Variants in ASIC2 observed in about 807,000 individuals in gnomAD.
ASIC2 encodes the protein acid sensing ion channel subunit 2, also known as acid-sensing ion channel 2.
Under a neutral mutation model 57.3 loss-of-function variants are expected in ASIC2, and 25 were observed. The ratio of observed to expected loss-of-function variants is 0.44; its 90% CI spans 0.32 to 0.61. The LOEUF is 0.61. ASIC2 is among the 20% of genes least tolerant of loss of function. The pLI is 0.06. For synonymous variants in ASIC2, 319 were observed against 307.5 expected, an observed-to-expected ratio of 1.04 and a Z score of -0.39; for missense variants, 641 against 738.1, an observed-to-expected ratio of 0.87 and a Z score of 1.52.
intron 1 of ASIC2, among the ~76,000 whole-genome samples, chr17:33,751,718 C>CATT (rs1201520194): frequency 2.6e-5 from 4 of 151,972 alleles, no homozygotes; most frequent in Admixed American, 2.6e-4. Context: ...TCATTTAATT[C>CATT]TAGTTTCCCC....
At chr17:33,735,245 T>C (rs995212095) in intron 1 of ASIC2, among the ~76,000 whole-genome samples, 5 of 152,108 alleles carry the variant, frequency 3.3e-5, no homozygotes, top group African/African-American at 1.2e-4. Flanking sequence ...CAAGAGCCCC[T>C]CCATGGAGAA....
intron 1 of ASIC2, among the ~76,000 whole-genome samples, chr17:33,999,759 C>T (rs186000457): frequency 6.6e-6 from 1 of 152,084 alleles, no homozygotes; most frequent in African/African-American, 2.4e-5. Context: ...ATATCTTTTC[C>T]TTTAACTTTT....
At chr17:33,418,774 A>G (rs1028290031) in intron 1 of ASIC2, among the ~76,000 whole-genome samples, 1 of 152,172 alleles carries the variant, frequency 6.6e-6, no homozygotes, top group Non-Finnish European at 1.5e-5. Flanking sequence ...CTGTAGCCAT[A>G]AAAAAGGATG....
intron 1 of ASIC2, among the ~76,000 whole-genome samples, chr17:33,597,189 A>G (rs1201154180): frequency 2.6e-5 from 4 of 152,250 alleles, no homozygotes; most frequent in South Asian, 4.1e-4. Context: ...AAACCACTGC[A>G]GACATGTTTC....
intron 1 of ASIC2, among the ~76,000 whole-genome samples, chr17:33,781,374 G>C (rs546080857): frequency 6.6e-6 from 1 of 152,092 alleles, no homozygotes; most frequent in Admixed American, 6.6e-5. Context: ...TTGCTTTCTG[G>C]AACACTAAGA....
At chr17:33,841,331 G>A (rs1000362783) in intron 1 of ASIC2, among the ~76,000 whole-genome samples, 1 of 152,222 alleles carries the variant, frequency 6.6e-6, no homozygotes, top group African/African-American at 2.4e-5. Flanking sequence ...GACTGAAAAG[G>A]CTAGTGGGAG....
At chr17:33,720,487 A>C (rs1452650560) in intron 1 of ASIC2, among the ~76,000 whole-genome samples, 1 of 152,224 alleles carries the variant, frequency 6.6e-6, no homozygotes, top group African/African-American at 2.4e-5. Flanking sequence ...TAAGTGACTT[A>C]AGGCATGTAC....
chr17:33,412,058 AC>A (rs1195476363), intron 1 of ASIC2, among the ~76,000 whole-genome samples: 1 of 150,210 alleles, frequency 6.7e-6, no homozygotes, highest in Non-Finnish European at 1.5e-5. Flanking sequence ...AACCAAAAAC[AC>A]ACAAAAAACA....
At chr17:33,679,692 T>C (rs1288662215) in intron 1 of ASIC2, among the ~76,000 whole-genome samples, 1 of 152,146 alleles carries the variant, frequency 6.6e-6, no homozygotes, top group Non-Finnish European at 1.5e-5. Context: ...GAGAAGGTCC[T>C]TTAAGATGAG....
At chr17:33,752,123 G>A (rs1282046602) in intron 1 of ASIC2, among the ~76,000 whole-genome samples, 1 of 152,166 alleles carries the variant, frequency 6.6e-6, no homozygotes, top group Non-Finnish European at 1.5e-5. Flanking sequence ...GGTAGAGACT[G>A]ACCCAGGAAC....
intron 3 of ASIC2, among the ~76,000 whole-genome samples, chr17:33,079,841 G>A (rs930387183): frequency 2.0e-5 from 3 of 152,244 alleles, no homozygotes; most frequent in Admixed American, 2.0e-4. Flanking sequence ...TCCCCATTTT[G>A]CAGATGAAGA....
chr17:33,275,989 A>C (rs553621016), intron 1 of ASIC2, among the ~76,000 whole-genome samples: 1 of 152,294 alleles, frequency 6.6e-6, no homozygotes, highest in East Asian at 1.9e-4. Context: ...TAGGCAGGGA[A>C]GGTTTTCAGG....
chr17:33,834,968 T>C (rs1913229018), intron 1 of ASIC2, among the ~76,000 whole-genome samples: 2 of 152,156 alleles, frequency 1.3e-5, no homozygotes, highest in African/African-American at 4.8e-5. Context: ...TAAATAACTG[T>C]GTTTGGCGTG....
chr17:33,903,966 C>T (rs1354720410), intron 1 of ASIC2, among the ~76,000 whole-genome samples: 1 of 151,808 alleles, frequency 6.6e-6, no homozygotes, highest in Non-Finnish European at 1.5e-5. Flanking sequence ...GAGTTTGAGA[C>T]CAGCCTGACC....
chr17:34,099,168 GAA>G (rs1183556923), intron 1 of ASIC2, among the ~76,000 whole-genome samples: 100 of 6,770 alleles, frequency 0.015, no homozygotes, highest in East Asian at 0.12. Context: ...GAGAGAGAAA[GAA>G]AGAAAGAAAG....
At chr17:33,702,736 G>A (rs756086452) in intron 1 of ASIC2, among the ~76,000 whole-genome samples, 11 of 152,092 alleles carry the variant, frequency 7.2e-5, no homozygotes, top group Non-Finnish European at 1.2e-4. Context: ...CACAATAATC[G>A]CATTTGTTCA....
At chr17:33,629,879 C>T (rs1906105545) in intron 1 of ASIC2, among the ~76,000 whole-genome samples, 1 of 152,068 alleles carries the variant, frequency 6.6e-6, no homozygotes, top group African/African-American at 2.4e-5. Context: ...AATGGAAATC[C>T]CTAAAGAGAT....
chr17:33,960,872 C>G (rs1366567598), intron 1 of ASIC2, among the ~76,000 whole-genome samples: 3 of 152,140 alleles, frequency 2.0e-5, no homozygotes, highest in Admixed American at 6.5e-5. Flanking sequence ...AATATAAGGC[C>G]CCGCGAGAGT....
intron 1 of ASIC2, among the ~76,000 whole-genome samples, chr17:33,280,672 C>T (rs984387317): frequency 6.6e-6 from 1 of 152,128 alleles, no homozygotes; most frequent in Non-Finnish European, 1.5e-5. Flanking sequence ...GTGCAGGGAG[C>T]GTAAAGAGAT....
Sources: allele counts gnomAD v4.1 joint callset (sites outside exome capture counted in the v4.1 genomes callset), GRCh38; gene constraint gnomAD v4.1.1; transcripts MANE v1.5; gene names NCBI Gene and HGNC (gene_info 2026-07-23, HGNC 2026-07-21).